OPTN: variants seen among roughly 807,000 people sequenced by gnomAD.
OPTN encodes E3-14.7K-interacting protein.
Under a neutral mutation model 70.4 loss-of-function variants are expected in OPTN, and 54 were observed. That is an observed-to-expected ratio of 0.77 (90% CI 0.62 to 0.96). The LOEUF is 0.96. Ranked by LOEUF, OPTN falls within the 40% of genes least tolerant of loss-of-function variation. The pLI, the probability that OPTN is intolerant of heterozygous loss-of-function variation, is 0.00. For synonymous variants in OPTN, 256 were observed against 248.5 expected (o/e 1.03, Z -0.28); for missense variants, 624 against 673.2 (o/e 0.93, Z 0.81).
chr10:13,109,248 G>A lies in OPTN; in HGVS notation c.126G>A (p.Gln42=). ...CGTTTACCCCGGAGGAGCTGCTGCAGCAGATGAAAGAGCTCCTGACCGAGA... is the reference window on the plus strand; with the variant it reads ...CGTTTACCCCGGAGGAGCTGCTGCAACAGATGAAAGAGCTCCTGACCGAGA... The part of the protein sequence containing the change: ...LDTFTPEELL[Q]QMKELLTENH... Residue 42 remains glutamine, a synonymous_variant, in exon 3 of 15, where the codon CAG becomes CAA. Coordinates refer to ENST00000378747, the MANE Select transcript of OPTN (RefSeq NM_001008212.2). 1.2e-6 allele frequency: 2 copies of A among 1,614,018 alleles called. No individual in the cohort carries two copies. The highest frequency in any genetic ancestry group is 1.7e-6 in the Non-Finnish European group (2 of 1,179,974).
Position 13,112,395 on chromosome 10 carries a change from C to T in OPTN, c.370-58C>T, listed in dbSNP as rs1178874886. On this transcript the variant is annotated intron_variant, in intron 4 of 14. Coordinates refer to ENST00000378747, the MANE Select transcript of OPTN (RefSeq NM_001008212.2). Reference sequence around the variant, plus strand: ...GAGCTCTGCGATTAAGGGCATGAGCCCATGGTGCCCAGCCTTAGTTTGATC... The same window carrying T: ...GAGCTCTGCGATTAAGGGCATGAGCTCATGGTGCCCAGCCTTAGTTTGATC... 19 of 1,530,768 alleles carry T rather than the reference C, an allele frequency of 1.2e-5. No homozygotes were observed. The East Asian group carries it at 4.1e-4, about 33-fold the overall frequency. 94.8% of individuals were successfully genotyped at this position (1,530,768 alleles called of 1,614,324 possible).
intron 8 of OPTN, 99 bp from the exon 9 acceptor site, chr10:13,123,896 T>C: frequency 1.2e-6 from 1 of 802,886 alleles, no homozygotes; most frequent in Non-Finnish European, 2.2e-6. Context: ...CAGCCAGTCT[T>C]AATTGGCTAC....
At position 13,116,337 on chromosome 10, in the gene OPTN, G is replaced by A. The variant is rs1833208903; in HGVS notation, c.623G>A (p.Gly208Asp). Reference sequence around the variant, plus strand: ...GGGCCCACGAGAACAGTCTCCACTGGCACGTATGTGAAGGAAGACTCGGGC... The same window carrying A: ...GGGCCCACGAGAACAGTCTCCACTGACACGTATGTGAAGGAAGACTCGGGC... ...SPGPTRTVSTGTALSKYRSRS... is the reference protein window; with the variant it reads ...SPGPTRTVSTDTALSKYRSRS... Residue 208 changes from glycine (G) to aspartate (D), a missense_variant, in exon 6 of 15, where the codon GGC becomes GAC. By Grantham distance (94) the Gly-to-Asp change is moderately conservative. Coordinates refer to ENST00000378747, the MANE Select transcript of OPTN (RefSeq NM_001008212.2). The A allele has an allele frequency of 6.2e-7, 1 of 1,612,020 alleles. No individual in the cohort carries two copies. The highest frequency in any genetic ancestry group is 1.1e-5 in the South Asian group (1 of 91,038).
chr10:13,136,753 G>A lies in OPTN; in HGVS notation c.1621G>A (p.Asp541Asn), dbSNP rs1833709230. 2 of 1,613,886 alleles carry A rather than the reference G, an allele frequency of 1.2e-6. No individual in the cohort carries two copies. Among genetic ancestry groups the A allele is most frequent in the African/African-American group, 1.3e-5 (1 of 74,896 alleles). The change falls in exon 15 of 15, where the codon GAC becomes AAC. Residue 541 changes from aspartate to asparagine, a missense_variant. Physicochemically the swap from Asp to Asn is conservative, Grantham distance 23. Transcript: ENST00000378747. ...ATCATACTTATTCCCAGGAGCTGAG[G>A]ACAGGGACTGGCGGCAACAGCGGAA... ...QAYLVQRGAEDRDWRQQRNIP... is the reference protein window; with the variant it reads ...QAYLVQRGAENRDWRQQRNIP...
intron 13 of OPTN, among the ~76,000 whole-genome samples, chr10:13,132,528 T>G (rs1290356179): frequency 6.6e-6 from 1 of 151,882 alleles, no homozygotes; most frequent in Non-Finnish European, 1.5e-5. Flanking sequence ...TTTTGTTTTG[T>G]TTTTTGAGGC....
chr10:13,110,377 C>A lies in OPTN; in HGVS notation c.270C>A (p.Ser90Arg). The A allele has an allele frequency of 6.2e-7, 1 of 1,613,948 alleles. No homozygotes were observed. The highest frequency in any genetic ancestry group is 8.5e-7 in the Non-Finnish European group (1 of 1,180,000). ...AACGCCAGTTTTTTGAGATACAGAGCAAAGAAGCAAAAGAGCGTCTAATGG... is the reference window on the plus strand; with the variant it reads ...AACGCCAGTTTTTTGAGATACAGAGAAAAGAAGCAAAAGAGCGTCTAATGG... ...KEERQFFEIQ[S>R]KEAKERLMAL... Residue 90 changes from serine (S) to arginine (R), a missense_variant, in exon 4 of 15, where the codon AGC (serine) becomes AGA (arginine). Transcript: ENST00000378747.
chr10:13,112,159 T>C (rs2131488117), intron 4 of OPTN, among the ~76,000 whole-genome samples: 1 of 150,688 alleles, frequency 6.6e-6, no homozygotes, highest in Admixed American at 6.6e-5. Context: ...TGGCTTTTTT[T>C]TTTTTTTTTT....
intron 10 of OPTN, 54 bp from the exon 11 acceptor site, chr10:13,125,888 CTATA>C: frequency 7.8e-7 from 1 of 1,281,442 alleles, no homozygotes; most frequent in Non-Finnish European, 1.1e-6. Flanking sequence ...GGAGGCAAGA[CTATA>C]AGTTTCTATG....
intron 1 of OPTN, among the ~76,000 whole-genome samples, chr10:13,106,696 A>T (rs1206558993): frequency 6.6e-6 from 1 of 152,254 alleles, no homozygotes; most frequent in Non-Finnish European, 1.5e-5. Flanking sequence ...GATCTACAGA[A>T]AGCCCAAGGT....
At chr10:13,114,814 T>TTATATATACATA (rs1564358862) in intron 5 of OPTN, among the ~76,000 whole-genome samples, 1,499 of 66,592 alleles carry the variant, frequency 0.023, 161 homozygotes, top group African/African-American at 0.079. Flanking sequence ...ATATATATAA[T>TTATATATACATA]TATATAATTA....
Position 13,127,672 on chromosome 10 carries a change from C to A in OPTN, c.1243-73C>A, listed in dbSNP as rs74120680. On this transcript the variant is annotated intron_variant, in intron 11 of 14. Transcript: ENST00000378747. The stretch of plus-strand genomic sequence containing the variant: ...AGAGCTGATAATTAAAAAAATAAAC[C>A]TTTTTCTAATATTTTACTAAAACAG... 1,368 of 1,509,032 alleles carry A rather than the reference C, an allele frequency of 9.1e-4. 13 individuals are homozygous for A. In the African/African-American group the frequency reaches 0.018, roughly 20 times the overall value. 93.5% of individuals were successfully genotyped at this position (1,509,032 alleles called of 1,614,324 possible). A position where few individuals can be genotyped will look rare whatever the true frequency, so the allele number is the denominator to read the frequency against.
intron 14 of OPTN, among the ~76,000 whole-genome samples, chr10:13,134,061 G>A (rs964286601): frequency 9.2e-5 from 14 of 152,136 alleles, no homozygotes; most frequent in Non-Finnish European, 1.3e-4. Context: ...TGCCTGTCTC[G>A]GTCTCCCAAA....
chr10:13,123,884 A>G (rs952433147), intron 8 of OPTN, 111 bp from the exon 9 acceptor site: 8 of 751,958 alleles, frequency 1.1e-5, no homozygotes, highest in Middle Eastern at 2.3e-4. Context: ...GGATTGATTC[A>G]CCAGCCAGTC....
At chr10:13,111,054 A>G (rs1389199865) in intron 4 of OPTN, among the ~76,000 whole-genome samples, 2 of 152,220 alleles carry the variant, frequency 1.3e-5, no homozygotes, top group Non-Finnish European at 2.9e-5. Flanking sequence ...GATGTCAAAG[A>G]TGATAGTAAT....
At chr10:13,109,551 C>T in intron 3 of OPTN, 2 of 430,180 alleles carry the variant, frequency 4.6e-6, no homozygotes, top group South Asian at 4.6e-5. Context: ...AGAGGCTGGG[C>T]GTGGTGGCTC....
intron 8 of OPTN, among the ~76,000 whole-genome samples, chr10:13,123,393 A>G (rs1389555025): frequency 6.6e-6 from 1 of 152,244 alleles, no homozygotes; most frequent in Non-Finnish European, 1.5e-5. Context: ...TTGAATGCCT[A>G]TTGTATGTCA....
At chr10:13,125,364 C>T in intron 9 of OPTN, 54 bp from the exon 10 acceptor site, 1 of 1,602,152 alleles carries the variant, frequency 6.2e-7, no homozygotes, top group South Asian at 1.1e-5. Context: ...GTTTAAAAGC[C>T]ACTGCGACGT....
chr10:13,111,771 C>T (rs543699054), intron 4 of OPTN, among the ~76,000 whole-genome samples: 3 of 151,402 alleles, frequency 2.0e-5, no homozygotes, highest in Admixed American at 2.0e-4. Flanking sequence ...GAGAAACTTC[C>T]TTGTCAGTAG....
chr10:13,116,326 A>G lies in OPTN; in HGVS notation c.612A>G (p.Thr204=), dbSNP rs1588441388. 1.9e-6 allele frequency: 3 copies of G among 1,613,286 alleles called. No homozygotes were observed. The highest frequency in any genetic ancestry group is 1.1e-5 in the South Asian group (1 of 91,072). ...EIKHSPGPTR[T]VSTGTALSKY... ...AGCATAGTCCTGGGCCCACGAGAAC[A>G]GTCTCCACTGGCACGTATGTGAAGG... is the stretch of plus-strand genomic sequence containing the variant. The change falls in exon 6 of 15, where the codon ACA becomes ACG. Residue 204 remains threonine, a synonymous_variant. Coordinates refer to ENST00000378747, the MANE Select transcript of OPTN (RefSeq NM_001008212.2).
Sources: allele counts gnomAD v4.1 joint callset (sites outside exome capture counted in the v4.1 genomes callset), GRCh38; gene constraint gnomAD v4.1.1; transcripts MANE v1.5; gene names NCBI Gene and HGNC (gene_info 2026-07-23, HGNC 2026-07-21).